Variants in SYNDIG1 observed in about 807,000 individuals in gnomAD.
SYNDIG1 encodes synapse differentiation-inducing gene protein 1.
In SYNDIG1, 9 loss-of-function variants were observed where a neutral mutation model predicts 19.4. That is an observed-to-expected ratio of 0.46 (90% confidence interval 0.28 to 0.81). The LOEUF (loss-of-function observed/expected upper bound fraction) is 0.81, where lower values mean the gene tolerates loss of function less well. SYNDIG1 is among the 30% of genes least tolerant of loss of function. SYNDIG1 has a pLI of 0.12. For synonymous variants in SYNDIG1, 141 were observed against 145.9 expected, an observed-to-expected ratio of 0.97 and a Z score of 0.24; for missense variants, 311 against 343.3, an observed-to-expected ratio of 0.91 and a Z score of 0.74.
intron 1 of SYNDIG1, among the ~76,000 whole-genome samples, chr20:24,487,399 G>A (rs1430080580): frequency 6.6e-6 from 1 of 152,160 alleles, no homozygotes; most frequent in Non-Finnish European, 1.5e-5. Flanking sequence ...CAAGAGCCCA[G>A]GTTCACAAGG....
chr20:24,522,246 T>C (rs544075396), intron 1 of SYNDIG1, among the ~76,000 whole-genome samples: 38 of 152,204 alleles, frequency 2.5e-4, no homozygotes, highest in Non-Finnish European at 4.9e-4. Context: ...TAGGTGCATA[T>C]GCCTGGCCAG....
chr20:24,605,187 T>C (rs1317570187), intron 3 of SYNDIG1, among the ~76,000 whole-genome samples: 1 of 151,976 alleles, frequency 6.6e-6, no homozygotes, highest in Non-Finnish European at 1.5e-5. Flanking sequence ...GACAGATGGG[T>C]GGGAAGGGTT....
intron 1 of SYNDIG1, among the ~76,000 whole-genome samples, chr20:24,474,721 A>C (rs906271129): frequency 1.3e-5 from 2 of 152,230 alleles, no homozygotes; most frequent in African/African-American, 4.8e-5. Flanking sequence ...GTCTTTCAAG[A>C]ACGGCTCACT....
At chr20:24,512,497 G>A (rs1011887594) in intron 1 of SYNDIG1, among the ~76,000 whole-genome samples, 1 of 151,956 alleles carries the variant, frequency 6.6e-6, no homozygotes, top group African/African-American at 2.4e-5. Flanking sequence ...ATTATATCTC[G>A]TGCCTGGCTC....
intron 1 of SYNDIG1, among the ~76,000 whole-genome samples, chr20:24,475,203 G>A (rs2055583769): frequency 6.6e-6 from 1 of 152,216 alleles, no homozygotes; most frequent in African/African-American, 2.4e-5. Context: ...ATGCTAATGG[G>A]ATTAAGTCCT....
intron 1 of SYNDIG1, among the ~76,000 whole-genome samples, chr20:24,489,536 T>C (rs887356988): frequency 3.3e-5 from 5 of 151,782 alleles, no homozygotes; most frequent in African/African-American, 1.2e-4. Flanking sequence ...TACACATGCA[T>C]GCACACACAT....
At chr20:24,577,137 A>G (rs1410169437) in intron 2 of SYNDIG1, among the ~76,000 whole-genome samples, 6 of 152,060 alleles carry the variant, frequency 3.9e-5, no homozygotes, top group Non-Finnish European at 8.8e-5. Flanking sequence ...GTTTCCTAGG[A>G]CTCTGCACTC....
intron 1 of SYNDIG1, among the ~76,000 whole-genome samples, chr20:24,487,413 G>A (rs1294255797): frequency 6.6e-6 from 1 of 152,156 alleles, no homozygotes; most frequent in African/African-American, 2.4e-5. Flanking sequence ...CACAAGGGAT[G>A]GTGGTCCAGA....
chr20:24,584,025 T>TA (rs913200471), intron 2 of SYNDIG1, among the ~76,000 whole-genome samples: 4 of 151,998 alleles, frequency 2.6e-5, no homozygotes, highest in Non-Finnish European at 4.4e-5. Flanking sequence ...CCCCTGAACC[T>TA]AAAAAAAACT....
Position 24,611,697 on chromosome 20 carries a change from T to C in SYNDIG1, c.618+26704T>C, listed in dbSNP as rs149669836. 2.5e-3 allele frequency among the ~76,000 whole-genome samples: 388 copies of C among 152,256 alleles called. 4 individuals are homozygous for C. The highest frequency in any genetic ancestry group is 8.9e-3 in the African/African-American group (368 of 41,548). Reference sequence around the variant, plus strand: ...AGGCCTTCTACCCACAAGCTTCCACTTCTTCCACAGGAAATGGGCCAGGAG... The same window carrying C: ...AGGCCTTCTACCCACAAGCTTCCACCTCTTCCACAGGAAATGGGCCAGGAG... On this transcript the variant is annotated intron_variant, in intron 3 of 3. Transcript: ENST00000376862.
At chr20:24,577,292 G>A (rs1300408264) in intron 2 of SYNDIG1, among the ~76,000 whole-genome samples, 2 of 152,230 alleles carry the variant, frequency 1.3e-5, no homozygotes, top group African/African-American at 2.4e-5. Context: ...TGTTGAAGAA[G>A]CCTGGTGCAG....
At chr20:24,554,840 C>T (rs1175603946) in intron 2 of SYNDIG1, among the ~76,000 whole-genome samples, 1 of 151,386 alleles carries the variant, frequency 6.6e-6, no homozygotes, top group Non-Finnish European at 1.5e-5. Flanking sequence ...GGGAGGATTC[C>T]CTCTTTTTCT....
intron 3 of SYNDIG1, among the ~76,000 whole-genome samples, chr20:24,615,830 C>T (rs1274511825): frequency 6.8e-6 from 1 of 146,626 alleles, no homozygotes; most frequent in African/African-American, 2.5e-5. Flanking sequence ...CCCGCCCCAC[C>T]TCCCCCACCC....
At chr20:24,490,681 C>G (rs2056120603) in intron 1 of SYNDIG1, among the ~76,000 whole-genome samples, 1 of 152,176 alleles carries the variant, frequency 6.6e-6, no homozygotes, top group Non-Finnish European at 1.5e-5. Flanking sequence ...GAAGCAGGGG[C>G]CGGCATGACA....
At chr20:24,472,381 A>G (rs1460788246) in intron 1 of SYNDIG1, among the ~76,000 whole-genome samples, 2 of 152,272 alleles carry the variant, frequency 1.3e-5, no homozygotes, top group African/African-American at 4.8e-5. Context: ...TTCAAAAATT[A>G]TAAGCAATTA....
chr20:24,588,442 G>T (rs1197132463), intron 3 of SYNDIG1, among the ~76,000 whole-genome samples: 2 of 152,240 alleles, frequency 1.3e-5, no homozygotes, highest in African/African-American at 4.8e-5. Flanking sequence ...CTGGAGCCAT[G>T]CACCCTTGCT....
In SYNDIG1 at chr20:24,578,475, GA is replaced by G. The variant is rs1158652648; in HGVS notation, c.481-6372del. On this transcript the variant is annotated intron_variant, in intron 2 of 3. Transcript: ENST00000376862. ...AAAAAAGAAAGAAAGAAAAAGAAAA[GA>G]AAAAAAAAGGAAGAGAGTCAGAAAG... Among the ~76,000 whole-genome samples the G allele has an allele frequency of 1.2e-4, 18 of 150,090 alleles. No homozygotes were observed. The East Asian group carries it at 3.1e-3, about 26-fold the overall frequency.
intron 3 of SYNDIG1, among the ~76,000 whole-genome samples, chr20:24,618,533 A>T (rs9305139): frequency 2.6e-5 from 4 of 152,150 alleles, no homozygotes; most frequent in African/African-American, 7.2e-5. Flanking sequence ...TATTCTGCCA[A>T]CCCAAAGGGG....
intron 3 of SYNDIG1, among the ~76,000 whole-genome samples, chr20:24,599,886 T>C (rs1419700513): frequency 6.6e-6 from 1 of 152,048 alleles, no homozygotes; most frequent in Non-Finnish European, 1.5e-5. Flanking sequence ...AAATGTACAG[T>C]TAGATAGAGG....
Sources: gnomAD v4.1 joint callset for allele counts (sites outside exome capture counted in the v4.1 genomes callset) on GRCh38, gnomAD v4.1.1 for gene constraint, MANE v1.5 for transcripts, NCBI Gene and HGNC (gene_info 2026-07-23, HGNC 2026-07-21) for gene names.